The following CRACD variants were observed in gnomAD, a reference collection of about 807,000 sequenced individuals.
CRACD encodes capping protein inhibiting regulator of actin dynamics.
CRACD carries 56 observed loss-of-function variants against 106.8 expected under a neutral mutation model. That is an observed-to-expected ratio of 0.52 (90% confidence interval 0.42 to 0.66). The LOEUF (loss-of-function observed/expected upper bound fraction) is 0.66, where lower values mean the gene tolerates loss of function less well. CRACD is among the 30% of genes least tolerant of loss of function. The pLI is 0.00. For synonymous variants in CRACD, 754 were observed against 670.8 expected, an observed-to-expected ratio of 1.12 and a Z score of -1.92; for missense variants, 1,730 against 1,623.2, an observed-to-expected ratio of 1.07 and a Z score of -1.13.
intron 1 of CRACD, among the ~76,000 whole-genome samples, chr4:56,158,991 G>A (rs1447211459): frequency 6.6e-6 from 1 of 152,172 alleles, no homozygotes; most frequent in African/African-American, 2.4e-5. Flanking sequence ...CATTTTCCCT[G>A]TGGAGCATTT....
Position 56,307,676 on chromosome 4 carries a change from G to A in CRACD, c.262G>A (p.Val88Ile), listed in dbSNP as rs202063697. 1.8e-4 allele frequency: 290 copies of A among 1,614,132 alleles called. 4 individuals carry two copies. The highest frequency in any genetic ancestry group is 1.5e-3 in the Admixed American group (88 of 60,032). Residue 88 changes from valine (V) to isoleucine (I), a missense_variant, in exon 5 of 11, where the codon GTC becomes ATC. Transcript: ENST00000682029. ...PMEIVTQQDI[V>I]LSDAENKSSD... ...GGAAATTGTGACTCAGCAGGACATC[G>A]TCCTCTCAGACGCAGAGAACAAGGT...
intron 2 of CRACD, among the ~76,000 whole-genome samples, chr4:56,217,301 G>A (rs1684555849): frequency 6.6e-6 from 1 of 152,206 alleles, no homozygotes; most frequent in African/African-American, 2.4e-5. Context: ...TCATGACACA[G>A]CCTCAGAAGG....
chr4:56,158,230 T>C (rs949258784), intron 1 of CRACD, among the ~76,000 whole-genome samples: 14 of 152,198 alleles, frequency 9.2e-5, no homozygotes, highest in Non-Finnish European at 1.9e-4. Flanking sequence ...ATGTTGTGCC[T>C]GTGGTTCTGA....
At chr4:56,168,003 G>A (rs868267176) in intron 1 of CRACD, among the ~76,000 whole-genome samples, 1 of 152,176 alleles carries the variant, frequency 6.6e-6, no homozygotes, top group Non-Finnish European at 1.5e-5. Context: ...TTATCATGTT[G>A]TCTGTGTATA....
Position 56,327,994 on chromosome 4 carries a change from C to T in CRACD, c.*190C>T. 1.9e-6 allele frequency: 1 copy of T among 531,004 alleles called. No homozygotes were observed. Among genetic ancestry groups the T allele is most frequent in the Non-Finnish European group, 3.2e-6 (1 of 309,180 alleles). 32.9% of individuals were successfully genotyped at this position (531,004 alleles called of 1,614,324 possible). ...AGAGTGGATTTGCACAACCCTAGGT[C>T]CTGGTGCCTCGAGCTCCTCCTAGTT... On this transcript the variant is annotated 3_prime_UTR_variant, in exon 11 of 11. Transcript: ENST00000682029.
chr4:56,169,601 A>G (rs190340606), intron 1 of CRACD, among the ~76,000 whole-genome samples: 27 of 152,152 alleles, frequency 1.8e-4, no homozygotes, highest in African/African-American at 6.3e-4. Context: ...GGCTCAAGCA[A>G]TCTTCCCACC....
At chr4:56,119,739 C>T (rs1289188291) in intron 1 of CRACD, among the ~76,000 whole-genome samples, 1 of 152,192 alleles carries the variant, frequency 6.6e-6, no homozygotes, top group African/African-American at 2.4e-5. Flanking sequence ...CCACACCTCT[C>T]TTATGACTCC....
intron 3 of CRACD, chr4:56,288,589 A>ACTCTTC (rs11282038): frequency 0.51 from 77,362 of 151,970 alleles, 20,348 homozygotes; most frequent in Middle Eastern, 0.72. Context: ...AAGTGCTCCT[A>ACTCTTC]CTCTTCCTCT....
chr4:56,094,745 T>G (rs1733538329), intron 1 of CRACD, among the ~76,000 whole-genome samples: 1 of 152,210 alleles, frequency 6.6e-6, no homozygotes, highest in South Asian at 2.1e-4. Context: ...CATTCATTTT[T>G]ATATGTTAAC....
At position 56,315,147 on chromosome 4, in the gene CRACD, C is replaced by T; in HGVS notation, c.1645C>T (p.Leu549Phe). 6.2e-7 allele frequency: 1 copy of T among 1,607,548 alleles called. No individual in the cohort carries two copies. The highest frequency in any genetic ancestry group is 8.5e-7 in the Non-Finnish European group (1 of 1,177,660). ...GGTGTCCTCCGGAGGGAAGCAGATT[C>T]TCTTTCCCAAAGTCAACCTGAGCCC... is the stretch of plus-strand genomic sequence containing the variant. ...FQVSSGGKQILFPKVNLSPVT... is the reference protein window; with the variant it reads ...FQVSSGGKQIFFPKVNLSPVT... The change falls in exon 8 of 11, where the codon CTC becomes TTC. Residue 549 changes from leucine (L) to phenylalanine (F), a missense_variant. By Grantham distance (22) the Leu-to-Phe change is conservative. Coordinates refer to ENST00000682029, the MANE Select transcript of CRACD (RefSeq NM_001393381.1). The surrounding 1 kb of genome is among the most constrained non-coding windows in gnomAD (Gnocchi z 4.1).
At chr4:56,137,017 T>A (rs2109872145) in intron 1 of CRACD, among the ~76,000 whole-genome samples, 1 of 152,360 alleles carries the variant, frequency 6.6e-6, no homozygotes, top group African/African-American at 2.4e-5. Flanking sequence ...TTGTCAAAAA[T>A]CAATTGGCAT....
chr4:56,234,898 G>A (rs1280197171), intron 2 of CRACD, among the ~76,000 whole-genome samples: 2 of 152,090 alleles, frequency 1.3e-5, no homozygotes, highest in Non-Finnish European at 2.9e-5. Flanking sequence ...TAGTATAGTG[G>A]TGCTATAAAG....
intron 8 of CRACD, 61 bp downstream of exon 8, chr4:56,316,750 A>AC: frequency 1.4e-6 from 2 of 1,438,240 alleles, no homozygotes; most frequent in East Asian, 2.5e-5. Context: ...GGGCATCAAG[A>AC]AGAGATCCAC....
chr4:56,054,010 A>C (rs1322932845), intron 1 of CRACD, among the ~76,000 whole-genome samples: 2 of 152,068 alleles, frequency 1.3e-5, no homozygotes, highest in African/African-American at 4.8e-5. Context: ...CCTGTGTTTT[A>C]TGCGTATTTA....
intron 10 of CRACD, among the ~76,000 whole-genome samples, chr4:56,326,667 A>T (rs1713315100): frequency 6.6e-6 from 1 of 152,068 alleles, no homozygotes; most frequent in South Asian, 2.1e-4. Flanking sequence ...CAAGGATGAA[A>T]GTCATGGGAG....
chr4:56,109,699 A>C (rs1734057195), intron 1 of CRACD, among the ~76,000 whole-genome samples: 1 of 152,142 alleles, frequency 6.6e-6, no homozygotes, highest in South Asian at 2.1e-4. Context: ...TTATTTAAAA[A>C]TTAAATATAA....
At chr4:56,262,542 A>G (rs1359007398) in intron 2 of CRACD, among the ~76,000 whole-genome samples, 2 of 152,128 alleles carry the variant, frequency 1.3e-5, no homozygotes, top group African/African-American at 4.8e-5. Flanking sequence ...CTTATCAGCT[A>G]TCATTAGTGT....
chr4:56,138,756 CCCTA>C (rs1197951054), intron 1 of CRACD, among the ~76,000 whole-genome samples: 1 of 152,162 alleles, frequency 6.6e-6, no homozygotes, highest in African/African-American at 2.4e-5. Flanking sequence ...GGTTTTATGA[CCCTA>C]CCTAAGACTA....
chr4:56,060,300 C>G (rs1047135099), intron 1 of CRACD, among the ~76,000 whole-genome samples: 2 of 151,556 alleles, frequency 1.3e-5, no homozygotes, highest in African/African-American at 4.9e-5. Context: ...CATAGTCCAT[C>G]TAGTATAGAA....
Sources: allele counts gnomAD v4.1 joint callset (sites outside exome capture counted in the v4.1 genomes callset), GRCh38; gene constraint gnomAD v4.1.1; non-coding constraint Gnocchi (gnomAD v3.1); transcripts MANE v1.5; gene names NCBI Gene and HGNC (gene_info 2026-07-23, HGNC 2026-07-21).